The following NFIA variants were observed in gnomAD, a reference collection of about 807,000 sequenced individuals.
The protein encoded by NFIA is nuclear factor I A, also known as nuclear factor 1 A-type.
A neutral mutation model predicts 62.8 loss-of-function variants in NFIA; 8 were observed. The ratio of observed to expected loss-of-function variants is 0.13; its 90% CI spans 0.07 to 0.23. The LOEUF (loss-of-function observed/expected upper bound fraction) is 0.23, where lower values mean the gene tolerates loss of function less well. Ranked by LOEUF, NFIA falls within the 10% of genes least tolerant of loss-of-function variation. The probability of loss-of-function intolerance (pLI) is 1.00; values close to 1 mark genes in which losing one functional copy is unlikely to be tolerated. For synonymous variants in NFIA, 235 were observed against 238.1 expected, an observed-to-expected ratio of 0.99 and a Z score of 0.12; for missense variants, 410 against 642.1, an observed-to-expected ratio of 0.64 and a Z score of 3.91.
chr1:61,138,301 G>T (rs1647253648), intron 2 of NFIA, among the ~76,000 whole-genome samples: 2 of 152,038 alleles, frequency 1.3e-5, no homozygotes, highest in South Asian at 4.1e-4. Context: ...TCACCATGTT[G>T]CCCAGGCTGG....
In NFIA at chr1:61,363,633, T is replaced by C. The variant is rs565171676; in HGVS notation, c.946+4359T>C. Among the ~76,000 whole-genome samples, 6 of 149,408 alleles carry C rather than the reference T, an allele frequency of 4.0e-5. No individual in the cohort carries two copies. In the East Asian group the frequency reaches 1.0e-3, roughly 25 times the overall value. On this transcript the variant is annotated intron_variant, in intron 6 of 10. Coordinates refer to ENST00000403491, the MANE Select transcript of NFIA (RefSeq NM_001134673.4). ...AAAAAAAAATTATAATAAGAAACAA[T>C]AAATAACTCATGAGAGAGACCTGAA...
intron 6 of NFIA, among the ~76,000 whole-genome samples, chr1:61,367,848 A>T (rs1663672044): frequency 8.5e-6 from 1 of 117,480 alleles, no homozygotes; most frequent in Non-Finnish European, 2.0e-5. Context: ...ATAAAGCATG[A>T]TCCAGAAAAC....
At position 61,177,717 on chromosome 1, in the gene NFIA, T is replaced by G. The variant is rs565600617; in HGVS notation, c.559+89037T>G. Among the ~76,000 whole-genome samples the G allele has an allele frequency of 1.4e-4, 22 of 151,988 alleles. 1 individual carries two copies. In the South Asian group the frequency reaches 4.4e-3, roughly 30 times the overall value. On this transcript the variant is annotated intron_variant, in intron 2 of 10. Transcript: ENST00000403491. ...TACCATTATAATCTATAAGTCTCTC[T>G]TGATTTTCAGCTAGTGTGACTCCCC...
At chr1:61,276,565 C>T (rs1432574985) in intron 2 of NFIA, among the ~76,000 whole-genome samples, 2 of 152,128 alleles carry the variant, frequency 1.3e-5, no homozygotes, top group Admixed American at 6.5e-5. Context: ...ATGTTGTAAA[C>T]GACTTCAAGT....
At chr1:61,238,092 C>G (rs1655110689) in intron 2 of NFIA, among the ~76,000 whole-genome samples, 1 of 152,108 alleles carries the variant, frequency 6.6e-6, no homozygotes, top group Non-Finnish European at 1.5e-5. Context: ...TGATCCTCAA[C>G]CAATTCAAGA....
At position 61,406,550 on chromosome 1, in the gene NFIA, C is replaced by CG. The variant is rs754084943; in HGVS notation, c.1255-12_1255-11insG. The CG allele has an allele frequency of 2.1e-5, 23 of 1,113,338 alleles. No individual in the cohort carries two copies. The highest frequency in any genetic ancestry group is 2.3e-4 in the Middle Eastern group (1 of 4,326). 69.0% of individuals were successfully genotyped at this position (1,113,338 alleles called of 1,614,324 possible). ...CTTGTACGTGTGTTTTCTGCCCCCC[C>CG]CCCCCCCACAGCCCAATGGGAGCAG... On this transcript the variant is annotated splice_polypyrimidine_tract_variant and intron_variant, in intron 8 of 10. Coordinates refer to ENST00000403491, the MANE Select transcript of NFIA (RefSeq NM_001134673.4).
chr1:61,302,967 A>T (rs542751133), intron 3 of NFIA, among the ~76,000 whole-genome samples: 1 of 152,202 alleles, frequency 6.6e-6, no homozygotes, highest in Non-Finnish European at 1.5e-5. Context: ...ACTCCCAAAA[A>T]TGTTCTCCAC....
intron 2 of NFIA, among the ~76,000 whole-genome samples, chr1:61,122,291 A>G (rs985517631): frequency 6.6e-6 from 1 of 152,212 alleles, no homozygotes; most frequent in Non-Finnish European, 1.5e-5. Flanking sequence ...GAAGATGGCA[A>G]TCCGGTATTA....
At chr1:61,346,654 C>G (rs997430186) in intron 4 of NFIA, among the ~76,000 whole-genome samples, 3 of 152,104 alleles carry the variant, frequency 2.0e-5, no homozygotes, top group African/African-American at 7.2e-5. Context: ...CCTCCATTCC[C>G]TTCTGCTGGG....
chr1:61,079,171 C>T (rs1646066905), upstream of NFIA, among the ~76,000 whole-genome samples: 1 of 152,134 alleles, frequency 6.6e-6, no homozygotes. Context: ...AAAATCTGCA[C>T]AGAAGTGACC....
intron 6 of NFIA, among the ~76,000 whole-genome samples, chr1:61,364,893 A>G (rs960981375): frequency 1.3e-5 from 2 of 152,186 alleles, no homozygotes; most frequent in Non-Finnish European, 2.9e-5. Flanking sequence ...AGGACCTGCA[A>G]CATGGCATCA....
chr1:61,214,821 C>T (rs760812467), intron 2 of NFIA, among the ~76,000 whole-genome samples: 3 of 152,156 alleles, frequency 2.0e-5, no homozygotes, highest in Non-Finnish European at 4.4e-5. Flanking sequence ...CCTCAGTAGC[C>T]AGTATAACAA....
At chr1:61,183,682 C>G (rs1349466925) in intron 2 of NFIA, among the ~76,000 whole-genome samples, 1 of 152,174 alleles carries the variant, frequency 6.6e-6, no homozygotes, top group African/African-American at 2.4e-5. Context: ...CCACACAGGG[C>G]TGCTTGAACT....
rs571334107 is a variant in NFIA, at chr1:61,086,376, C to T, written c.28-1773C>T. On this transcript the variant is annotated intron_variant, in intron 1 of 10. Transcript: ENST00000403491. ...ATAAACTGTGACTTGCCCCCCATGCCTGTCACCTAAAGTATGAGAATAAGA... is the reference window on the plus strand; with the variant it reads ...ATAAACTGTGACTTGCCCCCCATGCTTGTCACCTAAAGTATGAGAATAAGA... Among the ~76,000 whole-genome samples the T allele has an allele frequency of 2.0e-5, 3 of 152,242 alleles. 1 individual carries two copies. In the Middle Eastern group the frequency reaches 0.01, roughly 518 times the overall value.
upstream of NFIA, chr1:61,081,839 C>CAGAAAGCTTCT: frequency 6.7e-7 from 1 of 1,503,120 alleles, no homozygotes; most frequent in Non-Finnish European, 8.9e-7. Flanking sequence ...TCTATTCCCA[C>CAGAAAGCTTCT]AGAAAGCTTC....
chr1:61,225,880 T>G (rs1018761201), intron 2 of NFIA, among the ~76,000 whole-genome samples: 1 of 152,160 alleles, frequency 6.6e-6, no homozygotes, highest in Non-Finnish European at 1.5e-5. Flanking sequence ...TAGACTATAA[T>G]AATTCCAGAA....
chr1:61,333,048 CACACACACACACACACACAT>C (rs924807303), intron 4 of NFIA, among the ~76,000 whole-genome samples: 16 of 84,100 alleles, frequency 1.9e-4, no homozygotes, highest in African/African-American at 7.6e-4. Context: ...AGCATGCACG[CACACACACACACACACACAT>C]ACACACACAC....
intron 2 of NFIA, among the ~76,000 whole-genome samples, chr1:61,126,389 C>T (rs1317667680): frequency 1.3e-5 from 2 of 151,030 alleles, no homozygotes; most frequent in Non-Finnish European, 2.9e-5. Flanking sequence ...CCACTGCTGC[C>T]AAAATGGCCT....
chr1:61,170,404 G>A (rs1649871820), intron 2 of NFIA, among the ~76,000 whole-genome samples: 1 of 152,212 alleles, frequency 6.6e-6, no homozygotes, highest in Admixed American at 6.5e-5. Flanking sequence ...TCAAGACGCT[G>A]TAGGGCTCTT....
Sources: allele counts gnomAD v4.1 joint callset (sites outside exome capture counted in the v4.1 genomes callset), GRCh38; gene constraint gnomAD v4.1.1; transcripts MANE v1.5; gene names NCBI Gene and HGNC (gene_info 2026-07-23, HGNC 2026-07-21).